Variants in XKR9 observed in about 807,000 individuals in gnomAD.
XKR9 encodes the protein XK related 9.
In XKR9, 32 loss-of-function variants were observed where a neutral mutation model predicts 32.0. The observed-to-expected ratio is 1.00, with a 90% CI of 0.76 to 1.34. The LOEUF is 1.34. Among genes scored for constraint, XKR9 ranks in the 40% most tolerant of loss-of-function variants. The pLI is 0.00. For missense variants in XKR9, 546 were observed against 429.7 expected (o/e 1.27, Z -2.39); for synonymous variants, 168 against 143.4 (o/e 1.17, Z -1.22).
At chr8:70,945,986 T>G in the XKR9 span, among the ~76,000 whole-genome samples, 1 of 152,060 alleles carries the variant, frequency 6.6e-6, no homozygotes, top group Admixed American at 6.6e-5. Flanking sequence ...AATACAAAAA[T>G]TAGCTGGGCA....
the XKR9 span, among the ~76,000 whole-genome samples, chr8:70,882,082 G>A: frequency 2.0e-5 from 3 of 152,198 alleles, no homozygotes; most frequent in East Asian, 1.9e-4. Flanking sequence ...TTGGACACAG[G>A]GCGGGGAACA....
At chr8:70,883,780 C>T in the XKR9 span, among the ~76,000 whole-genome samples, 1 of 152,026 alleles carries the variant, frequency 6.6e-6, no homozygotes, top group Admixed American at 6.6e-5. Flanking sequence ...TTTCCATTCA[C>T]CTGTTGAAGG....
At chr8:70,762,447 GC>G (rs1807321667) in intron 2 of XKR9, among the ~76,000 whole-genome samples, 1 of 152,116 alleles carries the variant, frequency 6.6e-6, no homozygotes, top group Non-Finnish European at 1.5e-5. Flanking sequence ...TGTCCCATAA[GC>G]CACAGCATTA....
At chr8:70,898,975 G>A in the XKR9 span, among the ~76,000 whole-genome samples, 3 of 152,190 alleles carry the variant, frequency 2.0e-5, no homozygotes, top group East Asian at 3.9e-4. Flanking sequence ...GTGTAGTGGT[G>A]CAATCATAGC....
chr8:70,957,783 C>CTT, the XKR9 span, among the ~76,000 whole-genome samples: 16,909 of 83,732 alleles, frequency 0.2, 1,482 homozygotes, highest in Non-Finnish European at 0.28. Context: ...TTCAGTCTAT[C>CTT]TTTTTTTTTT....
intron 4 of XKR9, among the ~76,000 whole-genome samples, chr8:70,710,951 G>T (rs148298073): frequency 2.0e-5 from 3 of 151,882 alleles, no homozygotes; most frequent in African/African-American, 4.8e-5. Flanking sequence ...AAACAACCCC[G>T]TTAAAAAATG....
chr8:70,719,390 C>T (rs1325060906), intron 4 of XKR9, among the ~76,000 whole-genome samples: 1 of 151,982 alleles, frequency 6.6e-6, no homozygotes, highest in Non-Finnish European at 1.5e-5. Context: ...ATGCCTATGT[C>T]CTGAATGGTA....
At chr8:70,973,201 A>G in the XKR9 span, among the ~76,000 whole-genome samples, 3 of 152,148 alleles carry the variant, frequency 2.0e-5, no homozygotes, top group Admixed American at 6.5e-5. Flanking sequence ...GAAGGGTTGT[A>G]TATTTTCACA....
At chr8:71,044,746 G>T in the XKR9 span, among the ~76,000 whole-genome samples, 1 of 152,030 alleles carries the variant, frequency 6.6e-6, no homozygotes, top group Non-Finnish European at 1.5e-5. Context: ...GTAATACAAA[G>T]AAAAATTTAA....
chr8:70,903,560 C>A, the XKR9 span, among the ~76,000 whole-genome samples: 1 of 152,046 alleles, frequency 6.6e-6, no homozygotes, highest in Non-Finnish European at 1.5e-5. Context: ...GGCAGTCTAT[C>A]AATTTTGTTG....
At chr8:70,900,766 T>C in the XKR9 span, among the ~76,000 whole-genome samples, 63 of 152,280 alleles carry the variant, frequency 4.1e-4, no homozygotes, top group East Asian at 0.012. Flanking sequence ...ACCGGTTAAC[T>C]TGACATTTAC....
chr8:70,741,068 A>C (rs1433425906), intron 2 of XKR9, among the ~76,000 whole-genome samples: 2 of 152,232 alleles, frequency 1.3e-5, no homozygotes, highest in African/African-American at 4.8e-5. Flanking sequence ...CCCTGCCCCC[A>C]GAGGTGGAGC....
the XKR9 span, among the ~76,000 whole-genome samples, chr8:71,021,443 T>C: frequency 5.3e-5 from 8 of 152,012 alleles, no homozygotes; most frequent in South Asian, 1.5e-3. Context: ...GGATACAGAG[T>C]TTGCAAATAT....
intron 2 of XKR9, among the ~76,000 whole-genome samples, chr8:70,757,647 C>T (rs137873826): frequency 5.9e-4 from 90 of 152,126 alleles, no homozygotes; most frequent in African/African-American, 2.0e-3. Flanking sequence ...CATGTGGTGC[C>T]GCAATCTCGG....
chr8:70,689,371 A>G (rs754514089), intron 3 of XKR9, among the ~76,000 whole-genome samples: 22 of 151,376 alleles, frequency 1.5e-4, no homozygotes, highest in Admixed American at 9.9e-4. Context: ...GTGAGAAAAC[A>G]TACTTTCATA....
the XKR9 span, among the ~76,000 whole-genome samples, chr8:70,997,629 G>A: frequency 6.6e-6 from 1 of 152,024 alleles, no homozygotes; most frequent in Admixed American, 6.6e-5. Flanking sequence ...GTGGGAGGGG[G>A]ATGAGGGATA....
At chr8:70,828,232 T>C in the XKR9 span, among the ~76,000 whole-genome samples, 2 of 152,198 alleles carry the variant, frequency 1.3e-5, no homozygotes, top group Non-Finnish European at 2.9e-5. Flanking sequence ...ATTGTTTGGT[T>C]TGTAGAGGAG....
chr8:70,746,334 G>A (rs1257039482), intron 2 of XKR9, among the ~76,000 whole-genome samples: 2 of 144,646 alleles, frequency 1.4e-5, no homozygotes, highest in African/African-American at 5.0e-5. Context: ...TATTGAAACA[G>A]AATAAAGAAT....
At chr8:70,717,736 C>T (rs1377636419) in intron 4 of XKR9, among the ~76,000 whole-genome samples, 9 of 152,268 alleles carry the variant, frequency 5.9e-5, no homozygotes, top group South Asian at 2.1e-4. Flanking sequence ...GATTAACATT[C>T]GACTGCGTAA....
Sources: allele counts gnomAD v4.1 joint callset (sites outside exome capture counted in the v4.1 genomes callset), GRCh38; gene constraint gnomAD v4.1.1; transcripts MANE v1.5; gene names NCBI Gene and HGNC (gene_info 2026-07-23, HGNC 2026-07-21).